The following VAV1 variants were observed in gnomAD, a reference collection of about 807,000 sequenced individuals.
VAV1 encodes proto-oncogene vav.
In VAV1, 33 loss-of-function variants were observed where a neutral mutation model predicts 128.1. The ratio of observed to expected loss-of-function variants is 0.26; its 90% CI spans 0.20 to 0.34. The LOEUF (loss-of-function observed/expected upper bound fraction) is 0.34, where lower values mean the gene tolerates loss of function less well. VAV1 is among the 10% of genes least tolerant of loss of function. The pLI is 1.00. For missense variants in VAV1, 715 were observed against 1,093.7 expected, an observed-to-expected ratio of 0.65 and a Z score of 4.88; for synonymous variants, 394 against 409.8, an observed-to-expected ratio of 0.96 and a Z score of 0.47.
chr19:6,844,598 TC>T (rs1449666622), intron 22 of VAV1, among the ~76,000 whole-genome samples: 1 of 152,128 alleles, frequency 6.6e-6, no homozygotes, highest in Non-Finnish European at 1.5e-5. Context: ...CTGTGGCGTC[TC>T]CCTCTTTTCA....
chr19:6,857,011 G>T, intron 26 of VAV1, 43 bp from the exon 27 acceptor site: 1 of 1,584,570 alleles, frequency 6.3e-7, no homozygotes, highest in South Asian at 1.1e-5. Context: ...GCAGTAGGAG[G>T]ATGTGCAGAG....
At chr19:6,856,450 G>A (rs1397512687) in intron 26 of VAV1, among the ~76,000 whole-genome samples, 1 of 152,042 alleles carries the variant, frequency 6.6e-6, no homozygotes, top group Non-Finnish European at 1.5e-5. Context: ...GTCCAGGCAC[G>A]GTGGCTCATG....
chr19:6,821,451 G>A (rs898337923), intron 2 of VAV1, among the ~76,000 whole-genome samples, 171 bp from the exon 3 acceptor site: 1 of 152,182 alleles, frequency 6.6e-6, no homozygotes, highest in East Asian at 1.9e-4. Flanking sequence ...GCAAAGGGTG[G>A]GGCTCATTTG....
In VAV1 at chr19:6,826,530, G is replaced by A; in HGVS notation, c.828-82G>A. On this transcript the variant is annotated intron_variant, in intron 8 of 26. Transcript: ENST00000602142. This position sits in a 1 kb window ranked among gnomAD's most constrained non-coding sequence, Gnocchi z 4.1. ...CTCAGGTTTCTTCTCCAGCGGGGAAGAGCAAGGCCAGGGCTGACGCCAGCC... is the reference window on the plus strand; with the variant it reads ...CTCAGGTTTCTTCTCCAGCGGGGAAAAGCAAGGCCAGGGCTGACGCCAGCC... 9.4e-7 allele frequency: 1 copy of A among 1,064,666 alleles called. No homozygotes were observed. The highest frequency in any genetic ancestry group is 1.4e-6 in the Non-Finnish European group (1 of 712,088). 66.0% of individuals were successfully genotyped at this position (1,064,666 alleles called of 1,614,324 possible).
intron 1 of VAV1, among the ~76,000 whole-genome samples, chr19:6,814,691 T>C (rs796899296): frequency 0.016 from 1,784 of 114,420 alleles, 14 homozygotes; most frequent in African/African-American, 0.054. Flanking sequence ...TTTCTTTCTT[T>C]CTTTCTTTCT....
At chr19:6,846,540 A>G (rs999004838) in intron 22 of VAV1, among the ~76,000 whole-genome samples, 2 of 151,088 alleles carry the variant, frequency 1.3e-5, no homozygotes, top group Non-Finnish European at 2.9e-5. Flanking sequence ...GTGAGCCAAG[A>G]CAGAGCGAGG....
At position 6,857,331 on chromosome 19, in the gene VAV1, G is replaced by A; in HGVS notation, c.*224G>A. Reference sequence around the variant, plus strand: ...CCCCTCAAGCAGACGGGGCTCAAGGGGGTTACATTTAATAAAAGGATGAAG... The same window carrying A: ...CCCCTCAAGCAGACGGGGCTCAAGGAGGTTACATTTAATAAAAGGATGAAG... On this transcript the variant is annotated 3_prime_UTR_variant, in exon 27 of 27. Coordinates refer to ENST00000602142, the MANE Select transcript of VAV1 (RefSeq NM_005428.4). 1 of 568,642 alleles carries A rather than the reference G, an allele frequency of 1.8e-6. No homozygotes were observed. The highest frequency in any genetic ancestry group is 3.1e-6 in the Non-Finnish European group (1 of 321,812). 35.2% of individuals were successfully genotyped at this position (568,642 alleles called of 1,614,324 possible).
At chr19:6,796,636 C>T (rs1472687957) in intron 1 of VAV1, among the ~76,000 whole-genome samples, 1 of 152,220 alleles carries the variant, frequency 6.6e-6, no homozygotes, top group African/African-American at 2.4e-5. Flanking sequence ...CAGACACCCA[C>T]CTGGATTGTC....
chr19:6,802,734 G>T (rs1221122472), intron 1 of VAV1, among the ~76,000 whole-genome samples: 1 of 152,220 alleles, frequency 6.6e-6, no homozygotes, highest in African/African-American at 2.4e-5. Flanking sequence ...GTGTTGTACA[G>T]AGGTTAGAGG....
chr19:6,792,098 T>C (rs1971031704), intron 1 of VAV1, among the ~76,000 whole-genome samples: 1 of 152,196 alleles, frequency 6.6e-6, no homozygotes, highest in Non-Finnish European at 1.5e-5. Flanking sequence ...ATGCCTGCAA[T>C]CCCAGTGTTT....
In VAV1 at chr19:6,845,315, G is replaced by A. The variant is rs911442914; in HGVS notation, c.2012+2149G>A. On this transcript the variant is annotated intron_variant, in intron 22 of 26. Coordinates refer to ENST00000602142, the MANE Select transcript of VAV1 (RefSeq NM_005428.4). Reference sequence around the variant, plus strand: ...CAGGGGAATCGCTTGAACCTGGCAGGCGGAGGTTGCAGTGAGCCGAGATTG... The same window carrying A: ...CAGGGGAATCGCTTGAACCTGGCAGACGGAGGTTGCAGTGAGCCGAGATTG... Among the ~76,000 whole-genome samples the A allele has an allele frequency of 9.2e-5, 14 of 152,264 alleles. No homozygotes were observed. The East Asian group carries it at 2.5e-3, about 27-fold the overall frequency.
chr19:6,833,594 G>C lies in VAV1; in HGVS notation c.1677G>C (p.Gly559=), dbSNP rs1310830976. 6.2e-7 allele frequency: 1 copy of C among 1,613,848 alleles called. No homozygotes were observed. Among genetic ancestry groups the C allele is most frequent in the East Asian group, 2.2e-5 (1 of 44,878 alleles). Residue 559 remains glycine, a synonymous_variant, in exon 17 of 27, where the codon GGG becomes GGC. Transcript: ENST00000602142. ...CRASAHKECL[G]RVPPCGRHGQ... is the part of the protein sequence containing the mutation. ...CATCTGCACACAAGGAGTGTCTGGG[G>C]AGGGTCCCTCCATGTGGCCGACATG...
chr19:6,797,008 C>T (rs191696803), intron 1 of VAV1, among the ~76,000 whole-genome samples: 4 of 152,108 alleles, frequency 2.6e-5, no homozygotes, highest in Non-Finnish European at 5.9e-5. Context: ...GAGGCCGAGA[C>T]GGGTGGATCA....
chr19:6,848,584 G>A (rs1441668760), intron 23 of VAV1, among the ~76,000 whole-genome samples: 1 of 151,606 alleles, frequency 6.6e-6, no homozygotes, highest in Non-Finnish European at 1.5e-5. Context: ...TGTATTTTTA[G>A]TAGATACGGG....
chr19:6,774,475 G>A (rs184721581), intron 1 of VAV1, among the ~76,000 whole-genome samples: 1 of 116,614 alleles, frequency 8.6e-6, no homozygotes, highest in African/African-American at 3.4e-5. Flanking sequence ...TCACTCTGTC[G>A]CCCAGGCTGG....
intron 21 of VAV1, among the ~76,000 whole-genome samples, chr19:6,840,551 G>T (rs939623722): frequency 6.6e-6 from 1 of 151,384 alleles, no homozygotes; most frequent in Non-Finnish European, 1.5e-5. Context: ...CTCCCGCTTC[G>T]GCTTCCCAAA....
intron 1 of VAV1, among the ~76,000 whole-genome samples, chr19:6,816,862 G>A (rs1477144647): frequency 6.6e-6 from 1 of 151,830 alleles, no homozygotes; most frequent in Non-Finnish European, 1.5e-5. Context: ...TACTTGGGAG[G>A]CTGAGGTGGG....
At chr19:6,794,096 G>A (rs372820727) in intron 1 of VAV1, among the ~76,000 whole-genome samples, 2 of 151,428 alleles carry the variant, frequency 1.3e-5, no homozygotes, top group African/African-American at 2.4e-5. Flanking sequence ...ATAAACCAAC[G>A]GTAAATGATT....
chr19:6,838,628 A>G (rs912134635), intron 21 of VAV1, among the ~76,000 whole-genome samples: 4 of 151,822 alleles, frequency 2.6e-5, no homozygotes, highest in Non-Finnish European at 5.9e-5. Context: ...TCTCTCATCT[A>G]TTCATTTATC....
Sources: gnomAD v4.1 joint callset for allele counts (sites outside exome capture counted in the v4.1 genomes callset) on GRCh38, gnomAD v4.1.1 for gene constraint, Gnocchi (gnomAD v3.1) non-coding constraint, MANE v1.5 for transcripts, NCBI Gene and HGNC (gene_info 2026-07-23, HGNC 2026-07-21) for gene names.